The following DPYD variants were observed in gnomAD, a reference collection of about 807,000 sequenced individuals.
DPYD encodes the protein dihydropyrimidine dehydrogenase [NADP(+)].
A neutral mutation model predicts 116.2 loss-of-function variants in DPYD; 109 were observed. The ratio of observed to expected loss-of-function variants is 0.94; its 90% CI spans 0.80 to 1.10. The LOEUF (loss-of-function observed/expected upper bound fraction) is 1.10, where lower values mean the gene tolerates loss of function less well. Among genes scored for constraint, DPYD ranks in the 50% least tolerant of loss-of-function variants. The probability of loss-of-function intolerance (pLI) is 0.00; values close to 1 mark genes in which losing one functional copy is unlikely to be tolerated. For missense variants in DPYD, 1,302 were observed against 1,254.5 expected (o/e 1.04, Z -0.57); for synonymous variants, 440 against 432.0 (o/e 1.02, Z -0.23).
At chr1:97,310,672 C>G (rs1363916784) in intron 16 of DPYD, among the ~76,000 whole-genome samples, 6 of 151,836 alleles carry the variant, frequency 4.0e-5, no homozygotes, top group Admixed American at 3.3e-4. Context: ...GGTCCAACCA[C>G]TTTGGAAATT....
intron 1 of DPYD, among the ~76,000 whole-genome samples, chr1:97,889,138 CA>C (rs1490278236): frequency 1.3e-5 from 2 of 151,652 alleles, no homozygotes; most frequent in Non-Finnish European, 2.9e-5. Context: ...GCCTAGGCAA[CA>C]AGAGTGAAAC....
At chr1:97,219,058 A>T (rs1159954095) in intron 19 of DPYD, among the ~76,000 whole-genome samples, 5 of 152,226 alleles carry the variant, frequency 3.3e-5, no homozygotes, top group Middle Eastern at 3.2e-3. Context: ...TAGAGAGAGA[A>T]GTCCTTTAAA....
chr1:97,263,912 T>A (rs975538714), intron 18 of DPYD, among the ~76,000 whole-genome samples: 1 of 152,058 alleles, frequency 6.6e-6, no homozygotes, highest in African/African-American at 2.4e-5. Flanking sequence ...ATTGAAAAAT[T>A]ACCCCCTTCA....
intron 14 of DPYD, among the ~76,000 whole-genome samples, chr1:97,417,400 T>A (rs529294054): frequency 5.3e-4 from 80 of 152,346 alleles, no homozygotes; most frequent in African/African-American, 1.9e-3. Flanking sequence ...ATTAGCTACT[T>A]CCTCTGCCCC....
chr1:97,801,808 T>C (rs1667860766), intron 3 of DPYD, among the ~76,000 whole-genome samples: 1 of 151,908 alleles, frequency 6.6e-6, no homozygotes, highest in African/African-American at 2.4e-5. Flanking sequence ...ATTTCAACCA[T>C]GTGCAGTAAC....
intron 8 of DPYD, among the ~76,000 whole-genome samples, chr1:97,613,026 C>T (rs1050586936): frequency 1.3e-5 from 2 of 151,928 alleles, no homozygotes; most frequent in Non-Finnish European, 2.9e-5. Flanking sequence ...CCCTAAAATG[C>T]TAAATAGTAG....
chr1:97,226,628 A>G (rs775567271), intron 19 of DPYD, among the ~76,000 whole-genome samples: 1 of 152,196 alleles, frequency 6.6e-6, no homozygotes, highest in Non-Finnish European at 1.5e-5. Context: ...TCTCACTTAC[A>G]GTAGCATAAA....
chr1:97,095,634 G>GTA (rs918914822), intron 21 of DPYD, among the ~76,000 whole-genome samples: 13 of 151,030 alleles, frequency 8.6e-5, no homozygotes, highest in African/African-American at 2.9e-4. Context: ...GTATGTATAT[G>GTA]TATATATATA....
At chr1:97,720,641 G>T in intron 5 of DPYD, 1 of 1,262,446 alleles carries the variant, frequency 7.9e-7, no homozygotes, top group Non-Finnish European at 1.0e-6. Context: ...ATTATGGGAA[G>T]GGTCCCAAAA....
At chr1:97,898,186 G>A (rs556268372) in intron 1 of DPYD, among the ~76,000 whole-genome samples, 5 of 143,328 alleles carry the variant, frequency 3.5e-5, no homozygotes, top group Non-Finnish European at 8.0e-5. Context: ...ACCCATGTGA[G>A]TGCTAGTTCC....
At chr1:97,440,063 G>C (rs1254108883) in intron 14 of DPYD, among the ~76,000 whole-genome samples, 12 of 152,056 alleles carry the variant, frequency 7.9e-5, no homozygotes, top group Non-Finnish European at 1.5e-5. Context: ...ATCACCTGAG[G>C]TCGGGAGTTC....
chr1:97,765,445 C>T (rs1454869929), intron 3 of DPYD, among the ~76,000 whole-genome samples: 1 of 152,156 alleles, frequency 6.6e-6, no homozygotes, highest in East Asian at 1.9e-4. Context: ...GACACAGAAC[C>T]AGCTATGTAA....
chr1:97,748,502 G>A (rs1014004005), intron 3 of DPYD, among the ~76,000 whole-genome samples: 60 of 152,180 alleles, frequency 3.9e-4, no homozygotes, highest in Middle Eastern at 3.4e-3. Flanking sequence ...CCAGCTACTC[G>A]GGAGGCTGAG....
intron 16 of DPYD, among the ~76,000 whole-genome samples, chr1:97,318,648 C>T (rs1427620527): frequency 1.3e-5 from 2 of 151,704 alleles, no homozygotes; most frequent in Admixed American, 6.6e-5. Context: ...TTTAACACCC[C>T]ACTGTCAACA....
At position 97,352,039 on chromosome 1, in the gene DPYD, C is replaced by T. The variant is rs78467953; in HGVS notation, c.2058+21522G>A. Among the ~76,000 whole-genome samples, 613 of 152,226 alleles carry T rather than the reference C, an allele frequency of 4.0e-3. 1 individual carries two copies. The highest frequency in any genetic ancestry group is 7.3e-3 in the Non-Finnish European group (496 of 67,992). ...TGACACAAAAATGGGGTTAAAGAAT[C>T]TGGCACATTCTTTGGTATTCACTGC... On this transcript the variant is annotated intron_variant, in intron 16 of 22. Coordinates refer to ENST00000370192, the MANE Select transcript of DPYD (RefSeq NM_000110.4).
At chr1:97,431,449 T>A (rs889257256) in intron 14 of DPYD, among the ~76,000 whole-genome samples, 1 of 152,114 alleles carries the variant, frequency 6.6e-6, no homozygotes, top group Non-Finnish European at 1.5e-5. Context: ...CTCTATCTTA[T>A]CTCTTTATAA....
intron 20 of DPYD, among the ~76,000 whole-genome samples, chr1:97,149,875 C>T (rs558427406): frequency 7.0e-4 from 107 of 152,298 alleles, no homozygotes; most frequent in African/African-American, 2.5e-3. Context: ...AGTAACATTA[C>T]GATGTATTTG....
intron 16 of DPYD, among the ~76,000 whole-genome samples, chr1:97,363,186 C>G (rs1288165356): frequency 6.6e-6 from 1 of 152,038 alleles, no homozygotes; most frequent in Non-Finnish European, 1.5e-5. Context: ...TATGCAGCCA[C>G]AGACACATGA....
At chr1:97,834,461 G>A (rs1669672574) in intron 2 of DPYD, among the ~76,000 whole-genome samples, 1 of 151,752 alleles carries the variant, frequency 6.6e-6, no homozygotes, top group Admixed American at 6.6e-5. Flanking sequence ...TGATATATCA[G>A]CAATAATTAC....
Sources: gnomAD v4.1 joint callset for allele counts (sites outside exome capture counted in the v4.1 genomes callset) on GRCh38, gnomAD v4.1.1 for gene constraint, MANE v1.5 for transcripts, NCBI Gene and HGNC (gene_info 2026-07-23, HGNC 2026-07-21) for gene names.